Variants in CLSPN observed in about 807,000 individuals in gnomAD.
The protein encoded by CLSPN is claspin homolog.
CLSPN carries 85 observed loss-of-function variants against 156.3 expected under a neutral mutation model. That is an observed-to-expected ratio of 0.54 (90% CI 0.46 to 0.65). CLSPN has a LOEUF of 0.65. Among genes scored for constraint, CLSPN ranks in the 30% least tolerant of loss-of-function variants. CLSPN has a pLI of 0.00. For synonymous variants in CLSPN, 534 were observed against 542.4 expected (o/e 0.98, Z 0.22); for missense variants, 1,407 against 1,554.9 (o/e 0.90, Z 1.60).
At chr1:35,761,845 G>C (rs756502970) in intron 6 of CLSPN, among the ~76,000 whole-genome samples, 153 bp downstream of exon 6, 1 of 152,096 alleles carries the variant, frequency 6.6e-6, no homozygotes, top group Non-Finnish European at 1.5e-5. Flanking sequence ...AAGGGCTTTA[G>C]AACAATGGCC....
intron 9 of CLSPN, among the ~76,000 whole-genome samples, chr1:35,752,589 A>C (rs1642131040): frequency 6.6e-6 from 1 of 151,210 alleles, no homozygotes; most frequent in Non-Finnish European, 1.5e-5. Flanking sequence ...GAGGAAAAAA[A>C]AAAAAAAAAA....
In CLSPN at chr1:35,758,798, TTTC is replaced by T. The variant is rs1397358720; in HGVS notation, c.1579+1541_1579+1543del. The stretch of plus-strand genomic sequence containing the variant: ...ACAAGTCATATAGTGCTTTTTTCTT[TTTC>T]TTTTTTTTTTTTTTTGAGACAGGAT... On this transcript the variant is annotated intron_variant, in intron 8 of 24. Transcript: ENST00000318121. 8.2e-3 allele frequency among the ~76,000 whole-genome samples: 692 copies of T among 84,214 alleles called. 9 individuals are homozygous for T. The highest frequency in any genetic ancestry group is 0.018 in the African/African-American group (660 of 36,122). 55.2% of individuals were successfully genotyped at this position (84,214 alleles called of 152,430 possible).
At chr1:35,742,621 T>C (rs1343483466) in intron 18 of CLSPN, among the ~76,000 whole-genome samples, 1 of 152,060 alleles carries the variant, frequency 6.6e-6, no homozygotes, top group Non-Finnish European at 1.5e-5. Flanking sequence ...TCAAGTAATA[T>C]GCCTGCCTTG....
At chr1:35,738,693 C>T (rs1194098692) in intron 20 of CLSPN, 111 bp from the exon 21 acceptor site, 36 of 1,112,596 alleles carry the variant, frequency 3.2e-5, no homozygotes, top group Non-Finnish European at 4.6e-5. Context: ...TAAACTTTTC[C>T]CATCCATTAA....
chr1:35,751,355 C>T lies in CLSPN; in HGVS notation c.1923G>A (p.Glu641=), dbSNP rs1010744040. 1 of 1,602,206 alleles carries T rather than the reference C, an allele frequency of 6.2e-7. No individual in the cohort carries two copies. The highest frequency in any genetic ancestry group is 1.3e-5 in the African/African-American group (1 of 74,710). Residue 641 remains glutamate (E), a synonymous_variant, in exon 10 of 25, where the codon GAG becomes GAA. Coordinates refer to ENST00000318121, the MANE Select transcript of CLSPN (RefSeq NM_022111.4). ...CCTTCTCTTCTCCATCTTCCTCAGA[C>T]TCATCTGTCATTTCTTCCTCTTCCT... ...EEEEEEEMTD[E]SEEDGEEKVE...
chr1:35,723,019 T>C (rs189817636), intron 24 of CLSPN, among the ~76,000 whole-genome samples: 4 of 152,292 alleles, frequency 2.6e-5, no homozygotes, highest in Non-Finnish European at 2.9e-5. Flanking sequence ...ACAGCAGTCC[T>C]GGTCACTCCA....
Position 35,733,313 on chromosome 1 carries a change from T to C in CLSPN, c.*3183A>G, listed in dbSNP as rs539533419. The C allele has an allele frequency of 1.5e-5, 3 of 201,258 alleles. No individual in the cohort carries two copies. Among genetic ancestry groups the C allele is most frequent in the African/African-American group, 7.6e-5 (3 of 39,334 alleles). The allele number at this position is 201,258 out of a possible 1,614,324, so 12.5% of individuals were successfully genotyped here. A position where few individuals can be genotyped will look rare whatever the true frequency, so the allele number is the denominator to read the frequency against. ...GATTTCTCAGGCACTAATTTTCTTTTTTTTTTCTTTTTTTTTTTTTTTTTA... is the reference window on the plus strand; with the variant it reads ...GATTTCTCAGGCACTAATTTTCTTTCTTTTTTCTTTTTTTTTTTTTTTTTA... On this transcript the variant is annotated 3_prime_UTR_variant, in exon 25 of 25. Transcript: ENST00000318121.
Position 35,748,558 on chromosome 1 carries a change from A to T in CLSPN, c.2319T>A (p.Asn773Lys). The T allele has an allele frequency of 6.2e-7, 1 of 1,614,174 alleles. No homozygotes were observed. The highest frequency in any genetic ancestry group is 8.5e-7 in the Non-Finnish European group (1 of 1,180,012). Residue 773 changes from asparagine to lysine, a missense_variant, in exon 13 of 25, where the codon AAT becomes AAA. Physicochemically the swap from Asn to Lys is moderately conservative, Grantham distance 94 (BLOSUM62 0). Around this residue, in one of 3 missense-constraint regions of CLSPN, gnomAD observed 1,096 missense variants for 1,193.0 expected, o/e 0.92. Coordinates refer to ENST00000318121, the MANE Select transcript of CLSPN (RefSeq NM_022111.4). Reference protein sequence around the residue: ...CSLLTKESSHNSSFELIGSTI... With the variant: ...CSLLTKESSHKSSFELIGSTI... Reference sequence around the variant, plus strand: ...TGGAGCCAATCAGCTCAAAGCTGCTATTGTGGCTGCTCTCCTTTGTTAGCA... The same window carrying T: ...TGGAGCCAATCAGCTCAAAGCTGCTTTTGTGGCTGCTCTCCTTTGTTAGCA...
In CLSPN at chr1:35,738,023, C is replaced by T. The variant is rs1641534005; in HGVS notation, c.3633G>A (p.Lys1211=). The change falls in exon 22 of 25, where the codon AAG becomes AAA. Residue 1211 remains lysine, a synonymous_variant. Coordinates refer to ENST00000318121, the MANE Select transcript of CLSPN (RefSeq NM_022111.4). ...GEDSQFMILA[K]KVTAKALQKN... ...TCTGCAGTGCTTTGGCTGTAACTTTCTTGGCCAGTATCATAAACTGACTGT... is the reference window on the plus strand; with the variant it reads ...TCTGCAGTGCTTTGGCTGTAACTTTTTTGGCCAGTATCATAAACTGACTGT... 1.3e-6 allele frequency: 2 copies of T among 1,489,462 alleles called. No homozygotes were observed. The highest frequency in any genetic ancestry group is 9.0e-7 in the Non-Finnish European group (1 of 1,109,646). 92.3% of individuals were successfully genotyped at this position (1,489,462 alleles called of 1,614,324 possible). A position where few individuals can be genotyped will look rare whatever the true frequency, so the allele number is the denominator to read the frequency against.
At chr1:35,730,524 C>T (rs1028631759), downstream of CLSPN, among the ~76,000 whole-genome samples, 1 of 132,930 alleles carries the variant, frequency 7.5e-6, no homozygotes, top group Admixed American at 8.3e-5. Flanking sequence ...GCCAAGATCA[C>T]GTCACTGCAC....
chr1:35,733,596 A>G lies in CLSPN; in HGVS notation c.*2900T>C. On this transcript the variant is annotated 3_prime_UTR_variant, in exon 25 of 25. Transcript: ENST00000318121. ...CTACTTTGCCTTGGGAACTGTTTAG[A>G]GAGTTCAAAGAAAGAGGCAAAAACA... The G allele has an allele frequency of 1.0e-6, 1 of 985,316 alleles. No individual in the cohort carries two copies. Among genetic ancestry groups the G allele is most frequent in the Non-Finnish European group, 1.2e-6 (1 of 829,924 alleles). The allele number at this position is 985,316 out of a possible 1,614,324, so 61.0% of individuals were successfully genotyped here. A position where few individuals can be genotyped will look rare whatever the true frequency, so the allele number is the denominator to read the frequency against.
At position 35,735,900 on chromosome 1, in the gene CLSPN, T is replaced by C. The variant is rs1406741496; in HGVS notation, c.*596A>G. On this transcript the variant is annotated 3_prime_UTR_variant, in exon 25 of 25. Coordinates refer to ENST00000318121, the MANE Select transcript of CLSPN (RefSeq NM_022111.4). ...AACCCAGAAAGCTGCTACAATAAAA[T>C]GTCAAATGTCTAATGGAGGAAGTGA... 1.0e-6 allele frequency: 1 copy of C among 985,204 alleles called. No individual in the cohort carries two copies. Among genetic ancestry groups the C allele is most frequent in the Non-Finnish European group, 1.2e-6 (1 of 829,898 alleles). The allele number at this position is 985,204 out of a possible 1,614,324, so 61.0% of individuals were successfully genotyped here. A position where few individuals can be genotyped will look rare whatever the true frequency, so the allele number is the denominator to read the frequency against.
At position 35,736,248 on chromosome 1, in the gene CLSPN, C is replaced by A; in HGVS notation, c.*248G>T. The A allele has an allele frequency of 9.0e-7, 1 of 1,108,246 alleles. No individual in the cohort carries two copies. The highest frequency in any genetic ancestry group is 1.1e-6 in the Non-Finnish European group (1 of 910,534). The allele number at this position is 1,108,246 out of a possible 1,614,324, so 68.7% of individuals were successfully genotyped here. A position where few individuals can be genotyped will look rare whatever the true frequency, so the allele number is the denominator to read the frequency against. ...AAAAAAAAAAAAAGGAAACCTCACC[C>A]AAGTATTCCATGAGTTGTTGATGTT... On this transcript the variant is annotated 3_prime_UTR_variant, in exon 25 of 25. Transcript: ENST00000318121.
intron 18 of CLSPN, among the ~76,000 whole-genome samples, chr1:35,742,743 CTTTT>C (rs563818822): frequency 1.0e-4 from 13 of 130,602 alleles, no homozygotes; most frequent in African/African-American, 2.2e-4. Context: ...AAGTGATCAA[CTTTT>C]TTTTTTTTTT....
At chr1:35,723,790 A>G (rs955704066) in intron 24 of CLSPN, among the ~76,000 whole-genome samples, 8 of 152,200 alleles carry the variant, frequency 5.3e-5, no homozygotes, top group African/African-American at 1.9e-4. Flanking sequence ...TAGGAGTTTG[A>G]GACCAGCCTG....
rs926149950 is a variant in CLSPN, at chr1:35,734,450, C to T, written c.*2046G>A. 1.8e-5 allele frequency: 14 copies of T among 784,946 alleles called. No individual in the cohort carries two copies. In the East Asian group the frequency reaches 3.8e-4, roughly 21 times the overall value. The allele number at this position is 784,946 out of a possible 1,614,324, so 48.6% of individuals were successfully genotyped here. On this transcript the variant is annotated 3_prime_UTR_variant, in exon 25 of 25. Transcript: ENST00000318121. ...ATCCCAGCACTTTGGGAGGCCGAGA[C>T]GGGTGGATCACCTCAGGTCAGGAGT...
At chr1:35,729,605 A>G (rs889076276), downstream of CLSPN, among the ~76,000 whole-genome samples, 1 of 152,168 alleles carries the variant, frequency 6.6e-6, no homozygotes, top group Non-Finnish European at 1.5e-5. Flanking sequence ...CTGAGGTGAC[A>G]CCAGCCATAC....
downstream of CLSPN, among the ~76,000 whole-genome samples, chr1:35,730,567 T>TAAAAAA (rs56320150): frequency 1.2e-3 from 74 of 61,748 alleles, no homozygotes; most frequent in East Asian, 1.9e-3. Context: ...GAATCCATAT[T>TAAAAAA]AAAAAAAAAA....
downstream of CLSPN, among the ~76,000 whole-genome samples, chr1:35,728,111 T>G (rs1641235988): frequency 7.2e-6 from 1 of 138,976 alleles, no homozygotes; most frequent in African/African-American, 2.7e-5. Context: ...TTTGAGGCAG[T>G]CTCACTCTGT....
Sources: gnomAD v4.1 joint callset for allele counts (sites outside exome capture counted in the v4.1 genomes callset) on GRCh38, gnomAD v4.1.1 for gene constraint, gnomAD v4.1.1 regional missense constraint, MANE v1.5 for transcripts, NCBI Gene and HGNC (gene_info 2026-07-23, HGNC 2026-07-21) for gene names.